FOXP2: variants seen among roughly 807,000 people sequenced by gnomAD.
The protein encoded by FOXP2 is forkhead box P2, also known as forkhead box protein P2.
A neutral mutation model predicts 115.8 loss-of-function variants in FOXP2; 12 were observed. The ratio of observed to expected loss-of-function variants is 0.10; its 90% CI spans 0.07 to 0.17. FOXP2 has a LOEUF of 0.17. FOXP2 is among the 10% of genes least tolerant of loss of function. The pLI is 1.00. For missense variants in FOXP2, 629 were observed against 843.5 expected (o/e 0.75, Z 3.15); for synonymous variants, 328 against 297.7 (o/e 1.10, Z -1.05).
At chr7:114,278,478 C>G (rs886534168) in intron 1 of FOXP2, among the ~76,000 whole-genome samples, 6 of 151,918 alleles carry the variant, frequency 3.9e-5, no homozygotes, top group African/African-American at 1.2e-4. Flanking sequence ...TCTCAGTCTC[C>G]CGAGTAGCTG....
At chr7:114,184,970 T>C (rs1793553816) in intron 1 of FOXP2, among the ~76,000 whole-genome samples, 1 of 152,200 alleles carries the variant, frequency 6.6e-6, no homozygotes, top group Non-Finnish European at 1.5e-5. Flanking sequence ...GTCTGTTGAC[T>C]GTCCTATGTT....
rs1461542581 is a variant in FOXP2 at position 114,598,210 on chromosome 7, G to C, written c.259-30330G>C. Reference sequence around the variant, plus strand: ...TTGAGTCATTGGTTTTACATTCCAAGGACAGGCAAACCAATCCATCTTGCT... The same window carrying C: ...TTGAGTCATTGGTTTTACATTCCAACGACAGGCAAACCAATCCATCTTGCT... On this transcript the variant is annotated intron_variant, in intron 3 of 16. Transcript: ENST00000350908. Among the ~76,000 whole-genome samples the C allele has an allele frequency of 2.0e-5, 3 of 152,172 alleles. No individual in the cohort carries two copies. The East Asian group carries it at 5.8e-4, about 29-fold the overall frequency.
At chr7:114,666,580 G>A (rs1807172766) in intron 16 of FOXP2, 1 of 152,122 alleles carries the variant, frequency 6.6e-6, no homozygotes, top group Non-Finnish European at 1.5e-5. Flanking sequence ...TTAAACAGAA[G>A]TGAAATAATT....
At chr7:114,580,310 G>A (rs529632883) in intron 3 of FOXP2, among the ~76,000 whole-genome samples, 55 of 152,336 alleles carry the variant, frequency 3.6e-4, no homozygotes, top group South Asian at 6.2e-4. Context: ...GGGCACGGTG[G>A]CTCACGCCTG....
In FOXP2 at chr7:114,115,621, A is replaced by G. The variant is rs554163830; in HGVS notation, c.-247+27783A>G. 4.0e-5 allele frequency among the ~76,000 whole-genome samples: 6 copies of G among 151,706 alleles called. No individual in the cohort carries two copies. The East Asian group carries it at 7.8e-4, about 20-fold the overall frequency. ...TCTTCCCACTTTTCTTCTCTACTCA[A>G]CCCTCTCATCTCAATTCAGATGCAG... is the stretch of plus-strand genomic sequence containing the variant. On this transcript the variant is annotated intron_variant, in intron 1 of 19. Transcript: ENST00000635638.
chr7:114,581,075 G>A (rs985170539), intron 3 of FOXP2, among the ~76,000 whole-genome samples: 2 of 144,664 alleles, frequency 1.4e-5, no homozygotes, highest in East Asian at 2.0e-4. Flanking sequence ...ATAAACACAT[G>A]CACACACACA....
At chr7:114,152,442 C>T (rs917526327) in intron 1 of FOXP2, among the ~76,000 whole-genome samples, 1 of 152,150 alleles carries the variant, frequency 6.6e-6, no homozygotes, top group South Asian at 2.1e-4. Context: ...AGCACCAATA[C>T]CTTTGAGACA....
chr7:114,163,705 A>G (rs1443963595), intron 1 of FOXP2, among the ~76,000 whole-genome samples: 1 of 152,228 alleles, frequency 6.6e-6, no homozygotes, highest in African/African-American at 2.4e-5. Flanking sequence ...GTTGCTGTTC[A>G]GAAGTTGATA....
chr7:114,200,668 T>C (rs573123170), intron 1 of FOXP2, among the ~76,000 whole-genome samples: 5 of 152,200 alleles, frequency 3.3e-5, no homozygotes, highest in African/African-American at 1.2e-4. Flanking sequence ...GACCAAGAAC[T>C]GGGAAGCAAT....
intron 2 of FOXP2, among the ~76,000 whole-genome samples, chr7:114,441,283 A>G (rs1271683733): frequency 3.9e-5 from 6 of 151,976 alleles, no homozygotes; most frequent in Non-Finnish European, 8.8e-5. Flanking sequence ...CCTCGTCTCT[A>G]CTAAAAATAC....
At chr7:114,498,587 T>A (rs571046071) in intron 2 of FOXP2, among the ~76,000 whole-genome samples, 1 of 152,284 alleles carries the variant, frequency 6.6e-6, no homozygotes, top group South Asian at 2.1e-4. Flanking sequence ...GAACAGAATA[T>A]TAACAGTCTG....
chr7:114,136,324 G>A lies in FOXP2; in HGVS notation c.-246-26620G>A, dbSNP rs1792037352. 2.6e-5 allele frequency among the ~76,000 whole-genome samples: 4 copies of A among 152,110 alleles called. No individual in the cohort carries two copies. The South Asian group carries it at 8.3e-4, about 32-fold the overall frequency. Reference sequence around the variant, plus strand: ...CCTTGGTTTACCCCATTGGAGAGCTGTACTTTGTCTCCTAGGATATGCCAG... The same window carrying A: ...CCTTGGTTTACCCCATTGGAGAGCTATACTTTGTCTCCTAGGATATGCCAG... On this transcript the variant is annotated intron_variant, in intron 1 of 19. Transcript: ENST00000635638.
At chr7:114,145,633 G>A (rs567105970) in intron 1 of FOXP2, among the ~76,000 whole-genome samples, 118 of 151,686 alleles carry the variant, frequency 7.8e-4, no homozygotes, top group Non-Finnish European at 9.0e-4. Context: ...GATTACAGGC[G>A]CGTGCACAAC....
chr7:114,395,424 T>C lies in FOXP2; in HGVS notation c.-10-31078T>C, dbSNP rs191090827. Among the ~76,000 whole-genome samples the C allele has an allele frequency of 2.0e-5, 3 of 152,086 alleles. No homozygotes were observed. The East Asian group carries it at 5.8e-4, about 29-fold the overall frequency. ...CTCAGAGGTTTGGGAAGTATTGAAG[T>C]GTATAGGTTGGCTCAAGCATGGGGT... On this transcript the variant is annotated intron_variant, in intron 2 of 17. Coordinates refer to the FOXP2 transcript ENST00000634411.
chr7:114,108,240 C>A (rs191959543), intron 1 of FOXP2, among the ~76,000 whole-genome samples: 1 of 151,790 alleles, frequency 6.6e-6, no homozygotes, highest in African/African-American at 2.4e-5. Flanking sequence ...AATTAATTGA[C>A]CTGACCATAT....
intron 16 of FOXP2, among the ~76,000 whole-genome samples, chr7:114,678,935 T>A (rs760973744): frequency 8.5e-5 from 13 of 152,210 alleles, no homozygotes; most frequent in Non-Finnish European, 1.6e-4. Context: ...TAACTTTCAG[T>A]ATTTTTGACA....
At chr7:114,447,198 G>A (rs1480370679) in intron 2 of FOXP2, among the ~76,000 whole-genome samples, 1 of 152,068 alleles carries the variant, frequency 6.6e-6, no homozygotes, top group African/African-American at 2.4e-5. Context: ...TGATTTTGCT[G>A]CTTCCCACTG....
intron 2 of FOXP2, among the ~76,000 whole-genome samples, chr7:114,389,143 T>C (rs1792526400): frequency 6.6e-6 from 1 of 152,236 alleles, no homozygotes; most frequent in South Asian, 2.1e-4. Context: ...ATAGTGAATG[T>C]TGTAACACTT....
At chr7:114,135,050 T>G (rs2129146083) in intron 1 of FOXP2, among the ~76,000 whole-genome samples, 1 of 152,358 alleles carries the variant, frequency 6.6e-6, no homozygotes, top group Admixed American at 6.5e-5. Flanking sequence ...AGTTTTTGAC[T>G]ATTTCATTAG....
Sources: gnomAD v4.1 joint callset for allele counts (sites outside exome capture counted in the v4.1 genomes callset) on GRCh38, gnomAD v4.1.1 for gene constraint, MANE v1.5 for transcripts, NCBI Gene and HGNC (gene_info 2026-07-23, HGNC 2026-07-21) for gene names.